PFN1: variants seen among roughly 807,000 people sequenced by gnomAD.
PFN1 encodes the protein profilin 1.
In PFN1, 2 loss-of-function variants were observed where a neutral mutation model predicts 11.7. That is an observed-to-expected ratio of 0.17 (90% CI 0.07 to 0.54). PFN1 has a LOEUF of 0.54. Among genes scored for constraint, PFN1 ranks in the 20% least tolerant of loss-of-function variants. The probability of loss-of-function intolerance (pLI) is 0.94; values close to 1 mark genes in which losing one functional copy is unlikely to be tolerated. For synonymous variants in PFN1, 78 were observed against 76.2 expected (o/e 1.02, Z -0.12); for missense variants, 97 against 188.4 (o/e 0.51, Z 2.84).
intron 1 of PFN1, 90 bp downstream of exon 1, chr17:4,948,173 C>A: frequency 2.1e-6 from 3 of 1,430,988 alleles, no homozygotes; most frequent in Non-Finnish European, 2.8e-6. Flanking sequence ...CCTCTCGCTG[C>A]GCGCCCTAGA....
intron 1 of PFN1, among the ~76,000 whole-genome samples, chr17:4,947,813 C>T (rs1971438078): frequency 6.6e-6 from 1 of 152,190 alleles, no homozygotes; most frequent in Admixed American, 6.5e-5. Context: ...CAAGACCACG[C>T]GCCTGGGGCT....
In PFN1 at chr17:4,946,662, G is replaced by A. The variant is rs1482748157; in HGVS notation, c.291C>T (p.Pro97=). Residue 97 remains proline (P), a synonymous_variant, in exon 2 of 3, where the codon CCC becomes CCT. Coordinates refer to ENST00000225655, the MANE Select transcript of PFN1 (RefSeq NM_005022.4). Reference sequence around the variant, plus strand: ...TCTTGGTGACAGTGACATTGAAGGTGGGGGCCCCACCGGTGCTCTTGGTAC... The same window carrying A: ...TCTTGGTGACAGTGACATTGAAGGTAGGGGCCCCACCGGTGCTCTTGGTAC... The part of the protein sequence containing the change: ...DLRTKSTGGA[P]TFNVTVTKTD... 1 of 1,613,476 alleles carries A rather than the reference G, an allele frequency of 6.2e-7. No individual in the cohort carries two copies. The highest frequency in any genetic ancestry group is 8.5e-7 in the Non-Finnish European group (1 of 1,179,616).
Position 4,946,012 on chromosome 17 carries a change from A to G in PFN1, c.326-15T>C. ...CAGGACTAGCGCTGGAGGAGGAGGA[A>G]AGAGAAAGGAGGCTAGGATCCAGGT... On this transcript the variant is annotated splice_polypyrimidine_tract_variant and intron_variant, in intron 2 of 2. Coordinates refer to ENST00000225655, the MANE Select transcript of PFN1 (RefSeq NM_005022.4). 2 of 1,582,194 alleles carry G rather than the reference A, an allele frequency of 1.3e-6. No individual in the cohort carries two copies. Among genetic ancestry groups the G allele is most frequent in the Admixed American group, 3.3e-5 (2 of 59,918 alleles).
rs1971374058 is a variant in PFN1, at chr17:4,945,858, G to A, written c.*42C>T. 1.6e-6 allele frequency: 2 copies of A among 1,268,556 alleles called. No homozygotes were observed. Among genetic ancestry groups the A allele is most frequent in the African/African-American group, 1.5e-5 (1 of 68,290 alleles). 78.6% of individuals were successfully genotyped at this position (1,268,556 alleles called of 1,614,324 possible). On this transcript the variant is annotated 3_prime_UTR_variant, in exon 3 of 3. Transcript: ENST00000225655. Reference sequence around the variant, plus strand: ...GTGTGTGTATGGGGAGGAAAGGGGTGCAAAGCTGTGGGGAGCGGTGAAGGG... The same window carrying A: ...GTGTGTGTATGGGGAGGAAAGGGGTACAAAGCTGTGGGGAGCGGTGAAGGG...
At chr17:4,946,942 T>C (rs572943612) in intron 1 of PFN1, 122 bp from the exon 2 acceptor site, 1 of 739,234 alleles carries the variant, frequency 1.4e-6, no homozygotes, top group East Asian at 2.6e-5. Flanking sequence ...TAAGTATAAA[T>C]TATATACTCA....
chr17:4,947,625 CAA>C (rs1436054890), intron 1 of PFN1, among the ~76,000 whole-genome samples: 1 of 152,076 alleles, frequency 6.6e-6, no homozygotes, highest in African/African-American at 2.4e-5. Context: ...GAACTTCTCA[CAA>C]AGTTCCCCTG....
rs1971371116 is a variant in PFN1 at position 4,945,756 on chromosome 17, C to T, written c.*144G>A. ...GGGTAGGGGGAGGTGTCTGTCCATC[C>T]AGCCCTGGCCCCCAGCCCATGTGGT... On this transcript the variant is annotated 3_prime_UTR_variant, in exon 3 of 3. Transcript: ENST00000225655. 1.7e-6 allele frequency: 1 copy of T among 603,818 alleles called. No individual in the cohort carries two copies. Among genetic ancestry groups the T allele is most frequent in the Admixed American group, 2.6e-5 (1 of 38,484 alleles). The allele number at this position is 603,818 out of a possible 1,614,324, so 37.4% of individuals were successfully genotyped here. A position where few individuals can be genotyped will look rare whatever the true frequency, so the allele number is the denominator to read the frequency against.
chr17:4,945,974 C>G lies in PFN1; in HGVS notation c.349G>C (p.Glu117Gln). ...TTGATCAAACCACCGTGGACACCTT[C>G]TTTGCCCATCAGCAGGACTAGCGCT... is the stretch of plus-strand genomic sequence containing the variant. ...DKTLVLLMGKEGVHGGLINKK... is the reference protein window; with the variant it reads ...DKTLVLLMGKQGVHGGLINKK... The change falls in exon 3 of 3, where the codon GAA becomes CAA. Residue 117 changes from glutamate (E) to glutamine (Q), a missense_variant. Glu to Gln is a conservative substitution (Grantham distance 29, BLOSUM62 2). Transcript: ENST00000225655. The G allele has an allele frequency of 6.2e-7, 1 of 1,613,306 alleles. No homozygotes were observed. Among genetic ancestry groups the G allele is most frequent in the Non-Finnish European group, 8.5e-7 (1 of 1,179,280 alleles).
chr17:4,946,850 TAGTC>T (rs752047667), intron 1 of PFN1, 30 bp from the exon 2 acceptor site: 59 of 1,587,776 alleles, frequency 3.7e-5, no homozygotes, highest in Admixed American at 5.3e-5. Context: ...CCCATCAAGT[TAGTC>T]AGTGCACCAA....
rs758743725 is a variant in PFN1, at chr17:4,946,584, T to TA, written c.325+43dup. ...TCAAGATTACCAGAAGGCGGTACAT[T>TA]AGAGATCTTGGAGCTAAAGGAAGGG... On this transcript the variant is annotated intron_variant, in intron 2 of 2. Coordinates refer to ENST00000225655, the MANE Select transcript of PFN1 (RefSeq NM_005022.4). 4.0e-6 allele frequency: 6 copies of TA among 1,498,964 alleles called. No individual in the cohort carries two copies. The South Asian group carries it at 5.0e-5, about 13-fold the overall frequency. The allele number at this position is 1,498,964 out of a possible 1,614,324, so 92.9% of individuals were successfully genotyped here.
rs1971406822 is a variant in PFN1 at position 4,946,798 on chromosome 17, A to G, written c.155T>C (p.Val52Ala). The G allele has an allele frequency of 6.2e-7, 1 of 1,613,106 alleles. No homozygotes were observed. The highest frequency in any genetic ancestry group is 1.3e-5 in the African/African-American group (1 of 74,896). The change falls in exon 2 of 3, where the codon GTT becomes GCT. Residue 52 changes from valine (V) to alanine (A), a missense_variant. Transcript: ENST00000225655. ...GTAAAAACTTGACCGGTCTTTGCCA[A>G]CCAGGACACCCACCTCAGCTGGCTG... ...NITPAEVGVLVGKDRSSFYVN... is the reference protein window; with the variant it reads ...NITPAEVGVLAGKDRSSFYVN...
chr17:4,945,736 G>T lies in PFN1; in HGVS notation c.*164C>A. On this transcript the variant is annotated 3_prime_UTR_variant, in exon 3 of 3. Transcript: ENST00000225655. ...ACCACACACGGGAGGGATATGGGTA[G>T]GGGGAGGTGTCTGTCCATCCAGCCC... The T allele has an allele frequency of 1.8e-6, 1 of 559,844 alleles. No individual in the cohort carries two copies. Among genetic ancestry groups the T allele is most frequent in the Non-Finnish European group, 3.3e-6 (1 of 304,508 alleles). The allele number at this position is 559,844 out of a possible 1,614,324, so 34.7% of individuals were successfully genotyped here.
Position 4,946,619 on chromosome 17 carries a change from G to A in PFN1, c.325+9C>T, listed in dbSNP as rs772921326. On this transcript the variant is annotated intron_variant, in intron 2 of 2. Transcript: ENST00000225655. Reference sequence around the variant, plus strand: ...GGAGCTAAAGGAAGGGTAAGACTCAGGAACTCACTCTTGTCAGTCTTGGTG... The same window carrying A: ...GGAGCTAAAGGAAGGGTAAGACTCAAGAACTCACTCTTGTCAGTCTTGGTG... 6.2e-7 allele frequency: 1 copy of A among 1,601,170 alleles called. No individual in the cohort carries two copies. Among genetic ancestry groups the A allele is most frequent in the Admixed American group, 1.7e-5 (1 of 58,530 alleles).
At position 4,945,719 on chromosome 17, in the gene PFN1, C is replaced by T. The variant is rs548819256; in HGVS notation, c.*181G>A. ...AAAACAAAAGTTTTCCAACCACACA[C>T]GGGAGGGATATGGGTAGGGGGAGGT... is the stretch of plus-strand genomic sequence containing the variant. On this transcript the variant is annotated 3_prime_UTR_variant, in exon 3 of 3. Coordinates refer to ENST00000225655, the MANE Select transcript of PFN1 (RefSeq NM_005022.4). 7.8e-5 allele frequency: 38 copies of T among 485,306 alleles called. No homozygotes were observed. The East Asian group carries it at 8.8e-4, about 11-fold the overall frequency. 30.1% of individuals were successfully genotyped at this position (485,306 alleles called of 1,614,324 possible).
intron 1 of PFN1, 198 bp downstream of exon 1, chr17:4,948,065 G>A (rs908275436): frequency 7.3e-5 from 38 of 519,926 alleles, no homozygotes; most frequent in Non-Finnish European, 1.2e-4. Context: ...GGCGGGATGG[G>A]CGCCGCCGCC....
chr17:4,948,491 G>A lies in PFN1; in HGVS notation c.-97C>T, dbSNP rs779195721. 9 of 1,355,466 alleles carry A rather than the reference G, an allele frequency of 6.6e-6. No homozygotes were observed. Among genetic ancestry groups the A allele is most frequent in the Non-Finnish European group, 7.7e-6 (8 of 1,040,122 alleles). 84.0% of individuals were successfully genotyped at this position (1,355,466 alleles called of 1,614,324 possible). Reference sequence around the variant, plus strand: ...CGGGCGGGGGGAGGCGGAGAGCTCGGGGCACGCGCTGCCGTCCGGACCGCG... The same window carrying A: ...CGGGCGGGGGGAGGCGGAGAGCTCGAGGCACGCGCTGCCGTCCGGACCGCG... On this transcript the variant is annotated 5_prime_UTR_variant, in exon 1 of 3. Transcript: ENST00000225655.
In PFN1 at chr17:4,948,514, G is replaced by C; in HGVS notation, c.-120C>G. The C allele has an allele frequency of 8.6e-7, 1 of 1,156,332 alleles. No homozygotes were observed. Among genetic ancestry groups the C allele is most frequent in the Non-Finnish European group, 1.1e-6 (1 of 871,274 alleles). 71.6% of individuals were successfully genotyped at this position (1,156,332 alleles called of 1,614,324 possible). On this transcript the variant is annotated 5_prime_UTR_variant, in exon 1 of 3. Coordinates refer to ENST00000225655, the MANE Select transcript of PFN1 (RefSeq NM_005022.4). ...CGGGGCACGCGCTGCCGTCCGGACCGCGGCTCCGCTCGCTGTGCAGCAGCC... is the reference window on the plus strand; with the variant it reads ...CGGGGCACGCGCTGCCGTCCGGACCCCGGCTCCGCTCGCTGTGCAGCAGCC...
chr17:4,946,725 G>A lies in PFN1; in HGVS notation c.228C>T (p.Asp76=). 1 of 1,614,150 alleles carries A rather than the reference G, an allele frequency of 6.2e-7. No individual in the cohort carries two copies. Among genetic ancestry groups the A allele is most frequent in the Non-Finnish European group, 8.5e-7 (1 of 1,179,982 alleles). The change falls in exon 2 of 3, where the codon GAC becomes GAT. Residue 76 remains aspartate, a synonymous_variant. Coordinates refer to ENST00000225655, the MANE Select transcript of PFN1 (RefSeq NM_005022.4). ...TAAATTCCCCATCCTGCAGCAGTGA[G>A]TCCCGGATCACCGAACATTTCTGGC... ...LGGQKCSVIR[D]SLLQDGEFSM... is the part of the protein sequence containing the mutation.
chr17:4,948,192 G>C, intron 1 of PFN1, 71 bp downstream of exon 1: 25 of 1,415,040 alleles, frequency 1.8e-5, no homozygotes, highest in Non-Finnish European at 2.2e-5. Context: ...GACCGCGCCC[G>C]CCCCCACCCA....
Sources: allele counts gnomAD v4.1 joint callset (sites outside exome capture counted in the v4.1 genomes callset), GRCh38; gene constraint gnomAD v4.1.1; transcripts MANE v1.5; gene names NCBI Gene and HGNC (gene_info 2026-07-23, HGNC 2026-07-21).